LRFN5: variants seen among roughly 807,000 people sequenced by gnomAD.
The protein encoded by LRFN5 is leucine rich repeat and fibronectin type III domain containing 5, also known as leucine-rich repeat and fibronectin type-III domain-containing protein 5.
Under a neutral mutation model 45.6 loss-of-function variants are expected in LRFN5, and 24 were observed. The observed-to-expected ratio is 0.53, with a 90% CI of 0.38 to 0.74. The LOEUF is 0.74. Among genes scored for constraint, LRFN5 ranks in the 30% least tolerant of loss-of-function variants. The pLI is 0.00. For missense variants in LRFN5, 776 were observed against 861.5 expected (o/e 0.90, Z 1.24); for synonymous variants, 340 against 313.8 (o/e 1.08, Z -0.88).
intron 1 of LRFN5, among the ~76,000 whole-genome samples, chr14:41,722,565 GTT>G (rs201341679): frequency 0.035 from 5,139 of 145,774 alleles, 308 homozygotes; most frequent in African/African-American, 0.12. Context: ...AAAATACGGT[GTT>G]TTTTTTTTTT....
At chr14:41,864,604 T>G (rs1889778305) in intron 2 of LRFN5, among the ~76,000 whole-genome samples, 1 of 152,178 alleles carries the variant, frequency 6.6e-6, no homozygotes, top group South Asian at 2.1e-4. Flanking sequence ...TGCAGTAACC[T>G]TATCACCAAA....
At chr14:41,674,786 G>A (rs1162222811) in intron 1 of LRFN5, among the ~76,000 whole-genome samples, 1 of 151,634 alleles carries the variant, frequency 6.6e-6, no homozygotes, top group African/African-American at 2.4e-5. Flanking sequence ...GCCGGGCGGA[G>A]AGGCTCCTCA....
intron 2 of LRFN5, among the ~76,000 whole-genome samples, 182 bp from the exon 3 acceptor site, chr14:41,886,424 T>C (rs1287055528): frequency 2.0e-5 from 3 of 152,224 alleles, no homozygotes; most frequent in Non-Finnish European, 4.4e-5. Context: ...CTATCAATGG[T>C]ATGTTATTCC....
chr14:41,651,900 A>G lies in LRFN5; in HGVS notation c.-197+43338A>G, dbSNP rs575519049. On this transcript the variant is annotated intron_variant, in intron 1 of 5. Coordinates refer to ENST00000298119, the MANE Select transcript of LRFN5 (RefSeq NM_152447.5). ...TGAGGCGTGTTTCCTTGGCTTGTAAATGGCTTTCTTCTCCCTTTGTCTTAA... is the reference window on the plus strand; with the variant it reads ...TGAGGCGTGTTTCCTTGGCTTGTAAGTGGCTTTCTTCTCCCTTTGTCTTAA... Among the ~76,000 whole-genome samples, 4 of 152,260 alleles carry G rather than the reference A, an allele frequency of 2.6e-5. No individual in the cohort carries two copies. In the East Asian group the frequency reaches 7.7e-4, roughly 29 times the overall value.
chr14:41,630,525 A>T (rs143640539), intron 1 of LRFN5, among the ~76,000 whole-genome samples: 1 of 152,206 alleles, frequency 6.6e-6, no homozygotes, highest in African/African-American at 2.4e-5. Context: ...TAGAACTTCT[A>T]ATTCCATGTT....
In LRFN5 at chr14:41,758,589, T is replaced by G. The variant is rs74047920; in HGVS notation, c.-196-8265T>G. Among the ~76,000 whole-genome samples the G allele has an allele frequency of 1.5e-3, 236 of 152,312 alleles. 1 individual carries two copies. The highest frequency in any genetic ancestry group is 5.4e-3 in the African/African-American group (226 of 41,570). ...TTAATTTCTTATGTCCTTTCTTAAG[T>G]CAATGTTAAAATGCTGAACAAGAAA... On this transcript the variant is annotated intron_variant, in intron 1 of 5. Coordinates refer to ENST00000298119, the MANE Select transcript of LRFN5 (RefSeq NM_152447.5).
rs763272622 is a variant in LRFN5 at position 41,874,033 on chromosome 14, A to G, written c.-20-12573A>G. Among the ~76,000 whole-genome samples the G allele has an allele frequency of 7.9e-5, 12 of 152,336 alleles. 1 individual carries two copies. In the East Asian group the frequency reaches 1.9e-3, roughly 24 times the overall value. ...ACCAGTTAATAGCATTCAAATTTGT[A>G]TTATAACCTTTTTTATGTCCTTTCA... On this transcript the variant is annotated intron_variant, in intron 2 of 5. Transcript: ENST00000298119.
intron 2 of LRFN5, among the ~76,000 whole-genome samples, chr14:41,796,146 A>G (rs1195518008): frequency 6.6e-6 from 1 of 152,040 alleles, no homozygotes; most frequent in Non-Finnish European, 1.5e-5. Context: ...TATTTTGTGA[A>G]TTCAAAAATC....
chr14:41,705,526 T>G (rs1220603317), intron 1 of LRFN5, among the ~76,000 whole-genome samples: 1 of 152,198 alleles, frequency 6.6e-6, no homozygotes, highest in African/African-American at 2.4e-5. Context: ...TACATAAGCA[T>G]GCACACAGAC....
chr14:41,621,354 A>T (rs77707244), intron 1 of LRFN5, among the ~76,000 whole-genome samples: 1 of 152,122 alleles, frequency 6.6e-6, no homozygotes, highest in Non-Finnish European at 1.5e-5. Context: ...ATTATCAGTG[A>T]TTCTTAAGTG....
intron 2 of LRFN5, among the ~76,000 whole-genome samples, chr14:41,777,940 T>A (rs1886348427): frequency 6.6e-6 from 1 of 150,418 alleles, no homozygotes; most frequent in South Asian, 2.1e-4. Flanking sequence ...AAGATGGTAA[T>A]TCTTCACAAC....
At chr14:41,735,658 A>G (rs1046683453) in intron 1 of LRFN5, among the ~76,000 whole-genome samples, 1 of 152,196 alleles carries the variant, frequency 6.6e-6, no homozygotes, top group East Asian at 1.9e-4. Context: ...CAGAAGATGC[A>G]GGTTTGTTAT....
intron 2 of LRFN5, among the ~76,000 whole-genome samples, chr14:41,852,974 G>C (rs1889324265): frequency 6.6e-6 from 1 of 151,718 alleles, no homozygotes; most frequent in Admixed American, 6.6e-5. Context: ...CCCATTATAA[G>C]ATAATTAAAA....
chr14:41,658,606 C>CCCATATAG lies in LRFN5; in HGVS notation c.-197+50048_-197+50055dup, dbSNP rs1284987244. Among the ~76,000 whole-genome samples, 8 of 151,900 alleles carry CCCATATAG rather than the reference C, an allele frequency of 5.3e-5. No homozygotes were observed. The South Asian group carries it at 1.2e-3, about 24-fold the overall frequency. On this transcript the variant is annotated intron_variant, in intron 1 of 5. Transcript: ENST00000298119. The stretch of plus-strand genomic sequence containing the variant: ...TATAATGCACTTCATAGAAGTTTTA[C>CCCATATAG]CCATATAGCCAATGATACGCAATTA...
rs772981938 is a variant in LRFN5, at chr14:41,891,240, T to C, written c.1386-10T>C. Reference sequence around the variant, plus strand: ...TTATTAATATTAACACAAATTCCATTGTCCCTCAGAATGATACCTCCTACG... The same window carrying C: ...TTATTAATATTAACACAAATTCCATCGTCCCTCAGAATGATACCTCCTACG... On this transcript the variant is annotated splice_polypyrimidine_tract_variant and intron_variant, in intron 3 of 5. Transcript: ENST00000298119. The C allele has an allele frequency of 6.2e-7, 1 of 1,606,324 alleles. No individual in the cohort carries two copies. Among genetic ancestry groups the C allele is most frequent in the Non-Finnish European group, 8.5e-7 (1 of 1,176,676 alleles).
At chr14:41,679,473 G>A (rs1881787653) in intron 1 of LRFN5, among the ~76,000 whole-genome samples, 1 of 152,036 alleles carries the variant, frequency 6.6e-6, no homozygotes, top group Non-Finnish European at 1.5e-5. Context: ...CCAGACACTA[G>A]GTCTCAGATG....
chr14:41,753,449 T>A (rs1375942542), intron 1 of LRFN5, among the ~76,000 whole-genome samples: 1 of 152,178 alleles, frequency 6.6e-6, no homozygotes, highest in Non-Finnish European at 1.5e-5. Context: ...CATTGAGCAG[T>A]GGTTTGTAGT....
intron 4 of LRFN5, among the ~76,000 whole-genome samples, chr14:41,896,820 C>T (rs1322002761): frequency 6.6e-6 from 1 of 152,008 alleles, no homozygotes; most frequent in East Asian, 1.9e-4. Flanking sequence ...AGGCCGGGCT[C>T]AGTGGCTCAC....
chr14:41,854,162 C>T (rs958764029), intron 2 of LRFN5, among the ~76,000 whole-genome samples: 3 of 152,104 alleles, frequency 2.0e-5, no homozygotes, highest in South Asian at 4.1e-4. Context: ...GTTCCCCACC[C>T]TGTGTCCAAG....
Sources: allele counts gnomAD v4.1 joint callset (sites outside exome capture counted in the v4.1 genomes callset), GRCh38; gene constraint gnomAD v4.1.1; transcripts MANE v1.5; gene names NCBI Gene and HGNC (gene_info 2026-07-23, HGNC 2026-07-21).